The following TACC2 variants were observed in gnomAD, a reference collection of about 807,000 sequenced individuals.
The protein encoded by TACC2 is transforming acidic coiled-coil-containing protein 2.
In TACC2, 137 loss-of-function variants were observed where a neutral mutation model predicts 227.3. That is an observed-to-expected ratio of 0.60 (90% CI 0.52 to 0.69). The LOEUF (loss-of-function observed/expected upper bound fraction) is 0.69. Among genes scored for constraint, TACC2 ranks in the 30% least tolerant of loss-of-function variants. TACC2 has a pLI of 0.00. For missense variants in TACC2, 3,470 were observed against 3,694.4 expected (o/e 0.94, Z 1.57); for synonymous variants, 1,523 against 1,487.5 (o/e 1.02, Z -0.55).
intron 3 of TACC2, among the ~76,000 whole-genome samples, chr10:122,071,835 C>T (rs1451249197): frequency 2.0e-5 from 3 of 146,804 alleles, no homozygotes; most frequent in Admixed American, 6.8e-5. Flanking sequence ...TGCAGTAAGC[C>T]GAGATTGCGC....
At chr10:122,221,616 C>T (rs1476309215) in intron 11 of TACC2, among the ~76,000 whole-genome samples, 1 of 152,190 alleles carries the variant, frequency 6.6e-6, no homozygotes, top group Non-Finnish European at 1.5e-5. Context: ...CTCCCTGTCT[C>T]TTTCCCTGGA....
At chr10:122,199,769 G>T (rs1348047782) in intron 8 of TACC2, among the ~76,000 whole-genome samples, 3 of 152,178 alleles carry the variant, frequency 2.0e-5, no homozygotes, top group African/African-American at 7.2e-5. Context: ...TACAGTTCTG[G>T]AGGCTGGGAA....
chr10:122,030,120 G>A (rs1191561555), intron 2 of TACC2, among the ~76,000 whole-genome samples: 1 of 151,170 alleles, frequency 6.6e-6, no homozygotes, highest in Non-Finnish European at 1.5e-5. Context: ...CAACAGCGCT[G>A]AGGTTGAGAA....
intron 7 of TACC2, among the ~76,000 whole-genome samples, chr10:122,191,773 T>C (rs1456398630): frequency 1.3e-5 from 2 of 152,066 alleles, no homozygotes; most frequent in Non-Finnish European, 2.9e-5. Context: ...TGACAACATT[T>C]CTCTTTCTGC....
intron 5 of TACC2, among the ~76,000 whole-genome samples, chr10:122,107,916 C>T (rs1304965928): frequency 5.2e-5 from 5 of 95,316 alleles, no homozygotes; most frequent in East Asian, 3.3e-4. Flanking sequence ...TTTTTTGAGA[C>T]GGAGTCTCAC....
intron 2 of TACC2, among the ~76,000 whole-genome samples, chr10:122,043,747 T>C (rs915152889): frequency 6.6e-6 from 1 of 152,122 alleles, no homozygotes; most frequent in Non-Finnish European, 1.5e-5. Context: ...ACCTGGCTAA[T>C]TTTTGTACTT....
At chr10:122,064,536 A>G (rs2077182770) in intron 3 of TACC2, among the ~76,000 whole-genome samples, 1 of 152,222 alleles carries the variant, frequency 6.6e-6, no homozygotes, top group African/African-American at 2.4e-5. Flanking sequence ...ACAAAACCAC[A>G]TTATTGGAGA....
chr10:122,100,554 T>C (rs2082018597), intron 5 of TACC2, among the ~76,000 whole-genome samples: 1 of 151,666 alleles, frequency 6.6e-6, no homozygotes, highest in Non-Finnish European at 1.5e-5. Context: ...CTCCCAAGTG[T>C]CTGGGATTAC....
chr10:122,193,981 A>G (rs1340726002), intron 7 of TACC2, among the ~76,000 whole-genome samples: 2 of 152,170 alleles, frequency 1.3e-5, no homozygotes, highest in African/African-American at 4.8e-5. Context: ...GCACTGGCAC[A>G]GTCATAGCTC....
intron 7 of TACC2, among the ~76,000 whole-genome samples, chr10:122,167,545 C>T (rs1200866552): frequency 4.6e-5 from 7 of 152,198 alleles, no homozygotes; most frequent in African/African-American, 1.7e-4. Context: ...AAAGAAGGAT[C>T]TCGGGTACCA....
chr10:122,200,399 G>A (rs867416949), intron 8 of TACC2, among the ~76,000 whole-genome samples: 8 of 151,688 alleles, frequency 5.3e-5, no homozygotes, highest in Admixed American at 5.2e-4. Context: ...GTGAGAGGAC[G>A]GGCACCTCAC....
At chr10:122,003,293 TA>T (rs1954649863) in intron 1 of TACC2, among the ~76,000 whole-genome samples, 1 of 152,240 alleles carries the variant, frequency 6.6e-6, no homozygotes, top group Non-Finnish European at 1.5e-5. Context: ...CCTTTAACTT[TA>T]TTTTTTCTTC....
chr10:122,179,758 T>C (rs895034851), intron 7 of TACC2, among the ~76,000 whole-genome samples: 8 of 152,020 alleles, frequency 5.3e-5, no homozygotes, highest in Non-Finnish European at 7.4e-5. Context: ...CTGGGAAACA[T>C]TGGGAGCCCT....
At chr10:122,123,888 A>G (rs10887084) in intron 5 of TACC2, among the ~76,000 whole-genome samples, 120,501 of 147,560 alleles carry the variant, frequency 0.82, 50,341 homozygotes, top group East Asian at 0.95. Context: ...ATCTCGGCTC[A>G]CTGCAACCTC....
rs202168550 is a variant in TACC2, at chr10:122,211,112, C to A, written c.6687C>A (p.Val2229=). ...GCAGAGTGCAGAACTCACCCCCTGT[C>A]GGGAGGAAAACGCTGCCTCTTACCA... ...GGGRVQNSPP[V]GRKTLPLTTA... Residue 2229 remains valine (V), a synonymous_variant, in exon 9 of 23, where the codon GTC becomes GTA. Coordinates refer to ENST00000369005, the MANE Select transcript of TACC2 (RefSeq NM_206862.4). The A allele has an allele frequency of 2.5e-6, 4 of 1,611,070 alleles. No individual in the cohort carries two copies. In the South Asian group the frequency reaches 4.4e-5, roughly 18 times the overall value.
At chr10:122,152,608 C>T (rs1418436400) in intron 7 of TACC2, among the ~76,000 whole-genome samples, 1 of 152,210 alleles carries the variant, frequency 6.6e-6, no homozygotes, top group Non-Finnish European at 1.5e-5. Context: ...CCTGGTGCAT[C>T]GTCCCTGCTT....
chr10:122,015,336 C>G (rs1164316646), intron 1 of TACC2, among the ~76,000 whole-genome samples: 1 of 151,796 alleles, frequency 6.6e-6, no homozygotes, highest in East Asian at 1.9e-4. Flanking sequence ...GAAACCCGGT[C>G]TCTACTAAAA....
intron 11 of TACC2, among the ~76,000 whole-genome samples, chr10:122,220,315 A>G (rs1176592549): frequency 1.3e-5 from 2 of 152,254 alleles, no homozygotes; most frequent in Non-Finnish European, 2.9e-5. Flanking sequence ...ACAAATATGT[A>G]AATATATGGG....
At chr10:122,241,350 G>A (rs2095988243) in intron 18 of TACC2, among the ~76,000 whole-genome samples, 1 of 152,126 alleles carries the variant, frequency 6.6e-6, no homozygotes, top group Admixed American at 6.5e-5. Context: ...GGAGTACAGT[G>A]GCACAATCAT....
Sources: allele counts gnomAD v4.1 joint callset (sites outside exome capture counted in the v4.1 genomes callset), GRCh38; gene constraint gnomAD v4.1.1; transcripts MANE v1.5; gene names NCBI Gene and HGNC (gene_info 2026-07-23, HGNC 2026-07-21).